The following MRAP2 variants were observed in gnomAD, a reference collection of about 807,000 sequenced individuals.
The protein encoded by MRAP2 is melanocortin-2 receptor accessory protein 2.
A neutral mutation model predicts 17.4 loss-of-function variants in MRAP2; 20 were observed. The observed-to-expected ratio is 1.15, with a 90% CI of 0.81 to 1.67. MRAP2 has a LOEUF of 1.67. MRAP2 is among the 40% of genes most tolerant of loss of function. MRAP2 has a pLI of 0.00. For synonymous variants in MRAP2, 96 were observed against 88.4 expected (o/e 1.09, Z -0.48); for missense variants, 238 against 240.0 (o/e 0.99, Z 0.05).
chr6:84,051,500 T>A (rs866383969), intron 1 of MRAP2, among the ~76,000 whole-genome samples: 1 of 152,156 alleles, frequency 6.6e-6, no homozygotes, highest in African/African-American at 2.4e-5. Context: ...GAGGTGGCAG[T>A]GAGCAGAGAT....
intron 3 of MRAP2, among the ~76,000 whole-genome samples, chr6:84,080,657 G>T (rs1185445330): frequency 6.6e-6 from 1 of 152,216 alleles, no homozygotes; most frequent in Non-Finnish European, 1.5e-5. Context: ...TTTTGTAGGT[G>T]TTGGCTATCA....
the MRAP2 span, among the ~76,000 whole-genome samples, chr6:84,106,662 C>A: frequency 6.6e-6 from 1 of 152,108 alleles, no homozygotes; most frequent in Non-Finnish European, 1.5e-5. Context: ...CCCTGTGAGG[C>A]CATGGATGCA....
At chr6:84,130,835 TTTC>T in the MRAP2 span, among the ~76,000 whole-genome samples, 5 of 152,178 alleles carry the variant, frequency 3.3e-5, no homozygotes, top group African/African-American at 1.2e-4. Context: ...TTTTGAAAGG[TTTC>T]TTGTGTCTCT....
chr6:84,092,645 T>C (rs1468575024), downstream of MRAP2, among the ~76,000 whole-genome samples: 2 of 152,120 alleles, frequency 1.3e-5, no homozygotes, highest in Non-Finnish European at 2.9e-5. Context: ...TTTCAGTATA[T>C]GCAGGGGATT....
At position 84,033,793 on chromosome 6, in the gene MRAP2, G is replaced by GGGA; in HGVS notation, c.-95_-93dup. The GGGA allele has an allele frequency of 1.0e-6, 1 of 986,602 alleles. No individual in the cohort carries two copies. The highest frequency in any genetic ancestry group is 1.2e-6 in the Non-Finnish European group (1 of 830,940). The allele number at this position is 986,602 out of a possible 1,614,324, so 61.1% of individuals were successfully genotyped here. ...AGCTACTCGCCCGGCCCTGGGCGGT[G>GGGA]GGAGGCGGCGGCGGCGGCGGCGCTC... On this transcript the variant is annotated 5_prime_UTR_variant, in exon 1 of 4. Coordinates refer to ENST00000257776, the MANE Select transcript of MRAP2 (RefSeq NM_138409.4).
chr6:84,146,252 C>G, the MRAP2 span, among the ~76,000 whole-genome samples: 3 of 152,058 alleles, frequency 2.0e-5, no homozygotes, highest in Non-Finnish European at 4.4e-5. Context: ...GTGTGCTGCA[C>G]GTATTAATAA....
At chr6:84,067,733 T>G (rs1445572252) in intron 3 of MRAP2, among the ~76,000 whole-genome samples, 1 of 145,762 alleles carries the variant, frequency 6.9e-6, no homozygotes, top group Non-Finnish European at 1.5e-5. Flanking sequence ...TGGAATTGTT[T>G]TTTTTTTTTT....
the MRAP2 span, among the ~76,000 whole-genome samples, chr6:84,129,262 G>A: frequency 1.2e-4 from 18 of 152,092 alleles, no homozygotes; most frequent in South Asian, 2.1e-4. Flanking sequence ...TTGAGGAGTC[G>A]CCACACTGTC....
intron 2 of MRAP2, among the ~76,000 whole-genome samples, chr6:84,059,452 G>A (rs2099492526): frequency 6.6e-6 from 1 of 152,192 alleles, no homozygotes; most frequent in East Asian, 1.9e-4. Context: ...TCTTTCAAGT[G>A]AAGTATTAAC....
chr6:84,135,044 CAT>C, the MRAP2 span, among the ~76,000 whole-genome samples: 10 of 151,794 alleles, frequency 6.6e-5, no homozygotes, highest in Non-Finnish European at 1.0e-4. Flanking sequence ...TATGTACACA[CAT>C]GAGAACCATA....
At chr6:84,098,428 G>T in the MRAP2 span, among the ~76,000 whole-genome samples, 1 of 152,142 alleles carries the variant, frequency 6.6e-6, no homozygotes, top group Non-Finnish European at 1.5e-5. Context: ...AATATTTGCT[G>T]TAAATATTCA....
At chr6:84,094,296 G>C (rs1161390533), downstream of MRAP2, among the ~76,000 whole-genome samples, 4 of 152,162 alleles carry the variant, frequency 2.6e-5, no homozygotes, top group African/African-American at 9.7e-5. Context: ...ATGCTTTCCT[G>C]ATGATGAATC....
chr6:84,059,532 G>A (rs1198675768), intron 2 of MRAP2, among the ~76,000 whole-genome samples: 1 of 152,200 alleles, frequency 6.6e-6, no homozygotes, highest in Non-Finnish European at 1.5e-5. Context: ...AGGAGGGTGA[G>A]TCGGATGGAG....
intron 1 of MRAP2, among the ~76,000 whole-genome samples, chr6:84,049,611 C>T (rs10455424): frequency 0.016 from 2,412 of 152,238 alleles, 33 homozygotes; most frequent in Middle Eastern, 0.027. Flanking sequence ...TTAAGCAATT[C>T]TTTATTTCAG....
At chr6:84,131,474 G>A in the MRAP2 span, among the ~76,000 whole-genome samples, 915 of 152,150 alleles carry the variant, frequency 6.0e-3, 4 homozygotes, top group African/African-American at 0.021. Flanking sequence ...TTATTGTGTG[G>A]GAGTCTAGGT....
chr6:84,058,486 C>T (rs1000808773), intron 2 of MRAP2, among the ~76,000 whole-genome samples: 15 of 152,116 alleles, frequency 9.9e-5, no homozygotes, highest in South Asian at 6.2e-4. Flanking sequence ...CAGAGAGGAA[C>T]CCCAGGAGCT....
intron 1 of MRAP2, among the ~76,000 whole-genome samples, chr6:84,039,301 A>T (rs2099486918): frequency 6.6e-6 from 1 of 152,218 alleles, no homozygotes; most frequent in South Asian, 2.1e-4. Flanking sequence ...CAAGGGAAAA[A>T]ATTATTTCTT....
At chr6:84,046,747 C>G (rs1263876337) in intron 1 of MRAP2, among the ~76,000 whole-genome samples, 2 of 139,808 alleles carry the variant, frequency 1.4e-5, no homozygotes, top group Non-Finnish European at 3.0e-5. Context: ...CGCCACTGCA[C>G]TCCAGCCTGG....
intron 3 of MRAP2, among the ~76,000 whole-genome samples, chr6:84,072,498 C>T (rs1006762635): frequency 6.6e-6 from 1 of 152,206 alleles, no homozygotes; most frequent in African/African-American, 2.4e-5. Context: ...GCAATGGACT[C>T]CGTGAGGGTT....
Sources: allele counts gnomAD v4.1 joint callset (sites outside exome capture counted in the v4.1 genomes callset), GRCh38; gene constraint gnomAD v4.1.1; transcripts MANE v1.5; gene names NCBI Gene and HGNC (gene_info 2026-07-23, HGNC 2026-07-21).